Variants in CKAP5 observed in about 807,000 individuals in gnomAD.
CKAP5 encodes cytoskeleton-associated protein 5.
CKAP5 carries 27 observed loss-of-function variants against 232.8 expected under a neutral mutation model. The ratio of observed to expected loss-of-function variants is 0.12; its 90% CI spans 0.09 to 0.16. CKAP5 has a LOEUF of 0.16. CKAP5 is among the 10% of genes least tolerant of loss of function. The pLI is 1.00. For synonymous variants in CKAP5, 785 were observed against 841.1 expected (o/e 0.93, Z 1.16); for missense variants, 1,838 against 2,424.7 (o/e 0.76, Z 5.08).
intron 31 of CKAP5, 82 bp downstream of exon 31, chr11:46,762,545 T>C (rs758240442): frequency 2.9e-5 from 45 of 1,538,940 alleles, no homozygotes; most frequent in East Asian, 4.5e-5. Flanking sequence ...ACTGGAGAAA[T>C]TTATTTGTTC....
At position 46,809,383 on chromosome 11, in the gene CKAP5, G is replaced by A. The variant is rs763597858; in HGVS notation, c.864+17C>T. On this transcript the variant is annotated intron_variant, in intron 7 of 43. Transcript: ENST00000529230. ...ATTTTACAAGAAATAAATGAAAGAA[G>A]TTTAACTATTACTTACAATTTTGTC... 50 of 1,445,016 alleles carry A rather than the reference G, an allele frequency of 3.5e-5. No individual in the cohort carries two copies. The highest frequency in any genetic ancestry group is 7.1e-5 in the Admixed American group (4 of 56,254). The allele number at this position is 1,445,016 out of a possible 1,614,324, so 89.5% of individuals were successfully genotyped here.
At chr11:46,748,981 G>A (rs1317134406) in intron 42 of CKAP5, among the ~76,000 whole-genome samples, 1 of 151,136 alleles carries the variant, frequency 6.6e-6, no homozygotes, top group African/African-American at 2.4e-5. Context: ...ACAGGCGCAC[G>A]CCACCACACC....
intron 1 of CKAP5, among the ~76,000 whole-genome samples, chr11:46,842,966 C>CAA (rs60343444): frequency 0.016 from 606 of 38,984 alleles, 10 homozygotes; most frequent in Middle Eastern, 0.029. Context: ...GACTCCGTCT[C>CAA]AAAAAAAAAA....
chr11:46,839,170 G>A (rs1156290159), intron 1 of CKAP5, among the ~76,000 whole-genome samples: 1 of 152,158 alleles, frequency 6.6e-6, no homozygotes, highest in African/African-American at 2.4e-5. Flanking sequence ...GACCAAGAGG[G>A]CTCCTCTAAT....
intron 32 of CKAP5, among the ~76,000 whole-genome samples, chr11:46,761,120 G>A (rs558620333): frequency 3.8e-4 from 57 of 151,930 alleles, no homozygotes; most frequent in African/African-American, 9.7e-4. Flanking sequence ...GTGGTGGCAC[G>A]CGCCTGTAGT....
intron 36 of CKAP5, 73 bp downstream of exon 36, chr11:46,754,815 T>A: frequency 7.6e-7 from 1 of 1,316,788 alleles, no homozygotes. Flanking sequence ...AACATCTGCA[T>A]GGACTCTGGC....
intron 34 of CKAP5, 112 bp downstream of exon 34, chr11:46,759,156 CA>C: frequency 1.3e-6 from 2 of 1,502,536 alleles, no homozygotes; most frequent in Non-Finnish European, 1.8e-6. Flanking sequence ...TGCTATCATT[CA>C]AAAAATAATC....
chr11:46,788,715 G>A lies in CKAP5; in HGVS notation c.1934C>T (p.Ala645Val), dbSNP rs1196298607. ...MPCQALVRML[A>V]KKPGWKETNF... ...AGTTTCTTTCCATCCAGGTTTCTTG[G>A]CTAGCATCCTCACTAATGCCTGGCA... The change falls in exon 16 of 44, where the codon GCC becomes GTC. Residue 645 changes from alanine to valine, a missense_variant. Ala to Val is a moderately conservative substitution (Grantham distance 64, BLOSUM62 0). This residue lies in a region of CKAP5 where 767 missense variants were observed against 954.6 expected (regional missense o/e 0.80). Coordinates refer to ENST00000529230, the MANE Select transcript of CKAP5 (RefSeq NM_001008938.4). 1 of 1,607,816 alleles carries A rather than the reference G, an allele frequency of 6.2e-7. No homozygotes were observed. Among genetic ancestry groups the A allele is most frequent in the Non-Finnish European group, 8.5e-7 (1 of 1,177,496 alleles).
At chr11:46,820,308 C>T (rs1009985031) in intron 2 of CKAP5, among the ~76,000 whole-genome samples, 3 of 152,090 alleles carry the variant, frequency 2.0e-5, no homozygotes, top group Admixed American at 6.5e-5. Flanking sequence ...ATACAGTATT[C>T]GGCCTTGGCT....
At chr11:46,798,348 G>C (rs1004751389) in intron 9 of CKAP5, among the ~76,000 whole-genome samples, 176 bp from the exon 10 acceptor site, 2 of 152,174 alleles carry the variant, frequency 1.3e-5, no homozygotes, top group African/African-American at 4.8e-5. Flanking sequence ...GCTGAGGCAG[G>C]TGGGTTGCTT....
At chr11:46,757,718 G>C (rs1478553527) in intron 35 of CKAP5, among the ~76,000 whole-genome samples, 1 of 151,792 alleles carries the variant, frequency 6.6e-6, no homozygotes, top group Non-Finnish European at 1.5e-5. Flanking sequence ...CTCCTGAGCA[G>C]CTGGGACTAT....
Position 46,761,935 on chromosome 11 carries a change from T to C in CKAP5, c.4221+65A>G, listed in dbSNP as rs2065158362. Reference sequence around the variant, plus strand: ...GCTACAGTTGAGAGGACAGGAAACCTAACACCTAGGAGATCTTGCAATTCT... The same window carrying C: ...GCTACAGTTGAGAGGACAGGAAACCCAACACCTAGGAGATCTTGCAATTCT... On this transcript the variant is annotated intron_variant, in intron 32 of 43. Transcript: ENST00000529230. The C allele has an allele frequency of 3.7e-6, 5 of 1,368,518 alleles. No individual in the cohort carries two copies. In the Admixed American group the frequency reaches 9.3e-5, roughly 25 times the overall value. 84.8% of individuals were successfully genotyped at this position (1,368,518 alleles called of 1,614,324 possible).
Position 46,753,317 on chromosome 11 carries a change from T to C in CKAP5, c.5050A>G (p.Ile1684Val). The C allele has an allele frequency of 6.2e-7, 1 of 1,607,284 alleles. No individual in the cohort carries two copies. Among genetic ancestry groups the C allele is most frequent in the Non-Finnish European group, 8.5e-7 (1 of 1,177,818 alleles). Reference sequence around the variant, plus strand: ...CTGAGAGTACAGATATACCTCAGGATGTTGGTCTGGTCTGACTTCTCCAGA... The same window carrying C: ...CTGAGAGTACAGATATACCTCAGGACGTTGGTCTGGTCTGACTTCTCCAGA... ...KVLEKSDQTN[I>V]LSALLVLLQD... Residue 1684 changes from isoleucine to valine, a missense_variant, in exon 37 of 44, where the codon ATC becomes GTC. This residue lies in a region of CKAP5 where 579 missense variants were observed against 843.2 expected (regional missense o/e 0.69). Coordinates refer to ENST00000529230, the MANE Select transcript of CKAP5 (RefSeq NM_001008938.4).
At chr11:46,755,969 A>G (rs2065108036) in intron 35 of CKAP5, among the ~76,000 whole-genome samples, 1 of 152,210 alleles carries the variant, frequency 6.6e-6, no homozygotes, top group Non-Finnish European at 1.5e-5. Context: ...TGTTCAATTT[A>G]TTAAAAAGAG....
At chr11:46,780,116 C>A (rs2065326949) in intron 20 of CKAP5, 78 bp downstream of exon 20, 9 of 1,481,806 alleles carry the variant, frequency 6.1e-6, no homozygotes, top group African/African-American at 1.4e-5. Flanking sequence ...TACAGGCGTG[C>A]ACCACTACAC....
chr11:46,810,163 G>A (rs920816971), intron 5 of CKAP5, among the ~76,000 whole-genome samples: 14 of 152,000 alleles, frequency 9.2e-5, no homozygotes, highest in Admixed American at 8.5e-4. Flanking sequence ...ATAGAGATGA[G>A]GTTTCACTAT....
intron 13 of CKAP5, among the ~76,000 whole-genome samples, chr11:46,791,412 T>A (rs1216036563): frequency 6.6e-6 from 1 of 151,920 alleles, no homozygotes; most frequent in Non-Finnish European, 1.5e-5. Flanking sequence ...AGCACAGTAG[T>A]TCACACCTGT....
rs143979107 is a variant in CKAP5, at chr11:46,821,795, T to A, written c.-37-527A>T. Among the ~76,000 whole-genome samples, 1,106 of 151,920 alleles carry A rather than the reference T, an allele frequency of 7.3e-3. 7 individuals are homozygous for A. The highest frequency in any genetic ancestry group is 9.4e-3 in the Non-Finnish European group (637 of 67,932). On this transcript the variant is annotated intron_variant, in intron 1 of 43. Transcript: ENST00000529230. ...GGCTCATGCCTGTAATCTCAGCACT[T>A]TGGGAGGCTGAGGTGGGCAGATCAC...
intron 36 of CKAP5, among the ~76,000 whole-genome samples, chr11:46,754,136 T>C (rs2065092382): frequency 6.6e-6 from 1 of 152,078 alleles, no homozygotes; most frequent in Admixed American, 6.6e-5. Context: ...TAGCTGGGAT[T>C]ACAGGCGCCC....
Sources: allele counts gnomAD v4.1 joint callset (sites outside exome capture counted in the v4.1 genomes callset), GRCh38; gene constraint gnomAD v4.1.1; regional missense constraint gnomAD v4.1.1; transcripts MANE v1.5; gene names NCBI Gene and HGNC (gene_info 2026-07-23, HGNC 2026-07-21).